SCEL: variants seen among roughly 807,000 people sequenced by gnomAD.
SCEL encodes the protein sciellin.
SCEL carries 113 observed loss-of-function variants against 117.6 expected under a neutral mutation model. That is an observed-to-expected ratio of 0.96 (90% CI 0.83 to 1.12). The LOEUF is 1.12. SCEL is among the 50% of genes most tolerant of loss of function. The pLI, the probability that SCEL is intolerant of heterozygous loss-of-function variation, is 0.00. For missense variants in SCEL, 785 were observed against 810.8 expected (o/e 0.97, Z 0.39); for synonymous variants, 270 against 256.2 (o/e 1.05, Z -0.51).
chr13:77,563,851 T>G lies in SCEL; in HGVS notation c.242T>G (p.Val81Gly), dbSNP rs1045391413. 1.9e-6 allele frequency: 3 copies of G among 1,599,758 alleles called. No individual in the cohort carries two copies. Among genetic ancestry groups the G allele is most frequent in the Non-Finnish European group, 2.6e-6 (3 of 1,175,514 alleles). Residue 81 changes from valine (V) to glycine (G), a missense_variant, in exon 5 of 33, where the codon GTG becomes GGG. Val to Gly is a moderately radical substitution (Grantham distance 109). Coordinates refer to ENST00000349847, the MANE Select transcript of SCEL (RefSeq NM_144777.3). ...TACAGGAAAGTAAATGAGAGAGATG[T>G]GCCAAAAGCTACAATTAGTCGGTAC... ...ALDRKVNERD[V>G]PKATISRYSS...
At chr13:77,567,842 C>G in intron 6 of SCEL, 94 bp downstream of exon 6, 1 of 767,008 alleles carries the variant, frequency 1.3e-6, no homozygotes, top group Non-Finnish European at 2.1e-6. Flanking sequence ...TACTTGATAT[C>G]TTTCTGTAAA....
At chr13:77,593,257 G>GAGTGTGTGT (rs1567391481) in intron 11 of SCEL, among the ~76,000 whole-genome samples, 5 of 101,842 alleles carry the variant, frequency 4.9e-5, no homozygotes, top group African/African-American at 3.9e-5. Flanking sequence ...ATAACAGAGG[G>GAGTGTGTGT]GAGTGTGTGT....
At chr13:77,577,773 AC>A (rs1343358028) in intron 9 of SCEL, among the ~76,000 whole-genome samples, 1 of 152,132 alleles carries the variant, frequency 6.6e-6, no homozygotes, top group East Asian at 1.9e-4. Flanking sequence ...ACACCAAACT[AC>A]CTAAAATGAA....
At chr13:77,614,340 A>G (rs1285370979) in intron 24 of SCEL, among the ~76,000 whole-genome samples, 1 of 152,198 alleles carries the variant, frequency 6.6e-6, no homozygotes, top group East Asian at 1.9e-4. Flanking sequence ...CACTTCCATT[A>G]GACTAATCAT....
At chr13:77,567,137 A>T (rs1019306649) in intron 5 of SCEL, among the ~76,000 whole-genome samples, 2 of 152,222 alleles carry the variant, frequency 1.3e-5, no homozygotes, top group Non-Finnish European at 2.9e-5. Flanking sequence ...AGTCAGAAAG[A>T]CAAACAGGCA....
chr13:77,605,320 G>A (rs2088073577), intron 19 of SCEL, among the ~76,000 whole-genome samples: 1 of 152,148 alleles, frequency 6.6e-6, no homozygotes, highest in Non-Finnish European at 1.5e-5. Context: ...TGCCCTGTTT[G>A]TGTAGGTGTG....
At chr13:77,580,809 C>T (rs917943345) in intron 9 of SCEL, among the ~76,000 whole-genome samples, 2 of 152,054 alleles carry the variant, frequency 1.3e-5, no homozygotes, top group African/African-American at 4.8e-5. Flanking sequence ...AGTAGAAACG[C>T]ATCTGGGAAA....
At chr13:77,596,993 T>C (rs1178347573) in intron 12 of SCEL, 2 of 152,250 alleles carry the variant, frequency 1.3e-5, no homozygotes, top group African/African-American at 4.8e-5. Flanking sequence ...GGAAATGAAG[T>C]AGCAGAGCTC....
At chr13:77,588,799 A>G (rs901694792) in intron 9 of SCEL, among the ~76,000 whole-genome samples, 1 of 152,158 alleles carries the variant, frequency 6.6e-6, no homozygotes, top group Non-Finnish European at 1.5e-5. Flanking sequence ...CCCAAGGACC[A>G]TTTACAGTTC....
At chr13:77,635,756 A>T (rs1384791161) in intron 29 of SCEL, among the ~76,000 whole-genome samples, 1 of 152,214 alleles carries the variant, frequency 6.6e-6, no homozygotes, top group Admixed American at 6.5e-5. Flanking sequence ...TTAAAAGTAT[A>T]TACTGAATAC....
chr13:77,558,528 C>T (rs1289576922), intron 3 of SCEL, among the ~76,000 whole-genome samples: 6 of 151,856 alleles, frequency 4.0e-5, no homozygotes, highest in Non-Finnish European at 8.8e-5. Context: ...AAAATGGTAC[C>T]GGAGGCCGGG....
intron 5 of SCEL, among the ~76,000 whole-genome samples, chr13:77,565,288 T>C (rs955143315): frequency 6.6e-6 from 1 of 152,100 alleles, no homozygotes; most frequent in Admixed American, 6.5e-5. Context: ...TACCCCTCAC[T>C]CCCCAAATTC....
chr13:77,571,948 C>A (rs1311040344), intron 8 of SCEL, among the ~76,000 whole-genome samples, 176 bp from the exon 9 acceptor site: 1 of 152,140 alleles, frequency 6.6e-6, no homozygotes, highest in African/African-American at 2.4e-5. Context: ...CTTGGAGGAA[C>A]AGATAGCCTA....
intron 24 of SCEL, among the ~76,000 whole-genome samples, chr13:77,615,375 C>T (rs1567422063): frequency 6.6e-6 from 1 of 152,020 alleles, no homozygotes; most frequent in Non-Finnish European, 1.5e-5. Context: ...ATTAATTAAG[C>T]GCCTTGGAAA....
intron 11 of SCEL, among the ~76,000 whole-genome samples, chr13:77,593,291 T>TGCGC (rs1267790552): frequency 2.3e-4 from 21 of 91,864 alleles, no homozygotes; most frequent in Middle Eastern, 4.7e-3. Flanking sequence ...TGTGTGTGTG[T>TGCGC]GTGTGTCTGT....
intron 22 of SCEL, among the ~76,000 whole-genome samples, chr13:77,611,492 C>T (rs1259631583): frequency 3.3e-5 from 5 of 152,184 alleles, no homozygotes; most frequent in Non-Finnish European, 7.3e-5. Context: ...CATATAATTA[C>T]ATTACACATT....
chr13:77,602,275 A>C lies in SCEL; in HGVS notation c.977+151A>C, dbSNP rs983675770. On this transcript the variant is annotated intron_variant, in intron 16 of 32. Coordinates refer to ENST00000349847, the MANE Select transcript of SCEL (RefSeq NM_144777.3). ...CCTAGTAGGCAAAAGGAATATGTTGAGTGCTGTTTCATAGGACCTCTGATT... is the reference window on the plus strand; with the variant it reads ...CCTAGTAGGCAAAAGGAATATGTTGCGTGCTGTTTCATAGGACCTCTGATT... The C allele has an allele frequency of 3.0e-5, 17 of 573,000 alleles. 1 individual carries two copies. The highest frequency in any genetic ancestry group is 4.5e-5 in the Non-Finnish European group (15 of 334,106). The allele number at this position is 573,000 out of a possible 1,614,324, so 35.5% of individuals were successfully genotyped here. A position where few individuals can be genotyped will look rare whatever the true frequency, so the allele number is the denominator to read the frequency against.
chr13:77,616,161 T>A (rs2089023136), intron 24 of SCEL, among the ~76,000 whole-genome samples: 1 of 151,994 alleles, frequency 6.6e-6, no homozygotes, highest in South Asian at 2.1e-4. Context: ...TAAATTTTTG[T>A]GCTCAGTAGG....
At chr13:77,562,408 T>C (rs1238346721) in intron 4 of SCEL, among the ~76,000 whole-genome samples, 3 of 152,144 alleles carry the variant, frequency 2.0e-5, no homozygotes, top group Non-Finnish European at 4.4e-5. Flanking sequence ...GGAGTTGTAT[T>C]TGGCATTTTT....
Sources: gnomAD v4.1 joint callset for allele counts (sites outside exome capture counted in the v4.1 genomes callset) on GRCh38, gnomAD v4.1.1 for gene constraint, MANE v1.5 for transcripts, NCBI Gene and HGNC (gene_info 2026-07-23, HGNC 2026-07-21) for gene names.